The following MYT1L variants were observed in gnomAD, a reference collection of about 807,000 sequenced individuals.
MYT1L encodes myelin transcription factor 1 like.
In MYT1L, 12 loss-of-function variants were observed where a neutral mutation model predicts 126.7. The observed-to-expected ratio is 0.09, with a 90% CI of 0.06 to 0.15. The LOEUF (loss-of-function observed/expected upper bound fraction) is 0.15, where lower values mean the gene tolerates loss of function less well. MYT1L is among the 10% of genes least tolerant of loss of function. The pLI, the probability that MYT1L is intolerant of heterozygous loss-of-function variation, is 1.00. For synonymous variants in MYT1L, 541 were observed against 604.2 expected, an observed-to-expected ratio of 0.90 and a Z score of 1.53; for missense variants, 979 against 1,585.2, an observed-to-expected ratio of 0.62 and a Z score of 6.49.
intron 1 of MYT1L, among the ~76,000 whole-genome samples, chr2:2,327,901 C>A (rs562225116): frequency 6.3e-4 from 95 of 151,968 alleles, no homozygotes; most frequent in Non-Finnish European, 1.3e-3. Flanking sequence ...AAATATATAA[C>A]AAGTAAACAA....
chr2:2,141,696 A>C (rs2084005800), intron 3 of MYT1L, among the ~76,000 whole-genome samples: 1 of 152,182 alleles, frequency 6.6e-6, no homozygotes, highest in East Asian at 1.9e-4. Flanking sequence ...TCACTCTTTG[A>C]GGATGTGTTT....
chr2:2,211,110 A>T (rs1198894053), intron 2 of MYT1L, among the ~76,000 whole-genome samples: 1 of 152,184 alleles, frequency 6.6e-6, no homozygotes, highest in Admixed American at 6.5e-5. Context: ...ATCAGTTCTA[A>T]TAGTTTTTTG....
At chr2:2,146,339 C>A (rs1420591223) in intron 3 of MYT1L, among the ~76,000 whole-genome samples, 1 of 152,136 alleles carries the variant, frequency 6.6e-6, no homozygotes, top group Non-Finnish European at 1.5e-5. Flanking sequence ...GGCAGAGACG[C>A]CTGAGACGAT....
intron 3 of MYT1L, among the ~76,000 whole-genome samples, chr2:2,099,024 C>G (rs1464295924): frequency 5.3e-5 from 8 of 152,188 alleles, no homozygotes; most frequent in Admixed American, 5.2e-4. Context: ...GAATGTAGCA[C>G]AAGCACCGCT....
chr2:1,922,816 C>T lies in MYT1L; in HGVS notation c.953G>A (p.Ser318Asn). ...ACTGCTCAGACACACCTCCTCATCGCTCTCCTCCACCATCTTTTCCATGAG... is the reference window on the plus strand; with the variant it reads ...ACTGCTCAGACACACCTCCTCATCGTTCTCCTCCACCATCTTTTCCATGAG... ...NGLMEKMVEE[S>N]DEEVCLSSLE... The change falls in exon 10 of 25, where the codon AGC (serine) becomes AAC (asparagine). Residue 318 changes from serine to asparagine, a missense_variant. Ser to Asn is a conservative substitution (Grantham distance 46). Around this residue, in one of 12 missense-constraint regions of MYT1L, gnomAD observed 243 missense variants for 363.9 expected, o/e 0.67. Coordinates refer to ENST00000647738, the MANE Select transcript of MYT1L (RefSeq NM_001303052.2). The surrounding 1 kb of genome is among the most constrained non-coding windows in gnomAD (Gnocchi z 7.4). 1 of 1,614,016 alleles carries T rather than the reference C, an allele frequency of 6.2e-7. No homozygotes were observed. Among genetic ancestry groups the T allele is most frequent in the East Asian group, 2.2e-5 (1 of 44,876 alleles).
At chr2:2,049,319 C>A (rs2068546850) in intron 4 of MYT1L, among the ~76,000 whole-genome samples, 1 of 152,128 alleles carries the variant, frequency 6.6e-6, no homozygotes, top group Non-Finnish European at 1.5e-5. Flanking sequence ...TCTATGCACA[C>A]AAGTGATATA....
intron 1 of MYT1L, among the ~76,000 whole-genome samples, chr2:2,312,519 G>A (rs2095990203): frequency 1.3e-5 from 2 of 152,044 alleles, no homozygotes; most frequent in Non-Finnish European, 2.9e-5. Flanking sequence ...AGGCTGAGGT[G>A]GGAGGATTAC....
intron 19 of MYT1L, among the ~76,000 whole-genome samples, chr2:1,845,052 C>T (rs1344951075): frequency 1.3e-5 from 2 of 151,524 alleles, no homozygotes; most frequent in African/African-American, 2.4e-5. Context: ...GACCTTGGCT[C>T]GCTGAAGCCT....
At chr2:2,177,800 G>T (rs1247030507) in intron 2 of MYT1L, among the ~76,000 whole-genome samples, 1 of 152,164 alleles carries the variant, frequency 6.6e-6, no homozygotes, top group Non-Finnish European at 1.5e-5. Context: ...CTCCCACCAG[G>T]TTCCTCCCCA....
intron 3 of MYT1L, among the ~76,000 whole-genome samples, chr2:2,104,997 A>G (rs1326894472): frequency 6.6e-6 from 1 of 152,218 alleles, no homozygotes; most frequent in African/African-American, 2.4e-5. Flanking sequence ...ACTGAAAATA[A>G]TAGATTGGAT....
intron 4 of MYT1L, among the ~76,000 whole-genome samples, chr2:2,003,557 G>A (rs997091579): frequency 6.6e-5 from 10 of 152,178 alleles, no homozygotes; most frequent in African/African-American, 4.8e-5. Context: ...TGCTTCCTCC[G>A]GCAGCCACAG....
intron 8 of MYT1L, among the ~76,000 whole-genome samples, chr2:1,957,843 C>A (rs1301124889): frequency 1.3e-5 from 2 of 152,208 alleles, no homozygotes; most frequent in African/African-American, 4.8e-5. Context: ...GCACACCTGG[C>A]ACACAATAGG....
At chr2:2,097,967 T>C (rs1418213948) in intron 3 of MYT1L, among the ~76,000 whole-genome samples, 1 of 152,186 alleles carries the variant, frequency 6.6e-6, no homozygotes, top group African/African-American at 2.4e-5. Context: ...TGTAAAAGTG[T>C]GGCACCTCCC....
At chr2:2,055,525 T>A (rs1187307158) in intron 3 of MYT1L, among the ~76,000 whole-genome samples, 2 of 152,258 alleles carry the variant, frequency 1.3e-5, no homozygotes, top group East Asian at 3.8e-4. Context: ...CAACACATTC[T>A]GAGCTATTAC....
intron 2 of MYT1L, among the ~76,000 whole-genome samples, chr2:2,215,819 G>C (rs1483596770): frequency 1.3e-5 from 2 of 152,064 alleles, no homozygotes; most frequent in Non-Finnish European, 2.9e-5. Context: ...GCATCCCCCA[G>C]TGTTGGAGGT....
chr2:2,088,665 AT>A (rs1309609996), intron 3 of MYT1L, among the ~76,000 whole-genome samples: 2 of 152,206 alleles, frequency 1.3e-5, no homozygotes, highest in Non-Finnish European at 2.9e-5. Context: ...AAGTACTAGT[AT>A]AAAAAATATG....
At chr2:2,237,034 G>A (rs1049253069) in intron 2 of MYT1L, among the ~76,000 whole-genome samples, 2 of 151,866 alleles carry the variant, frequency 1.3e-5, no homozygotes, top group Non-Finnish European at 2.9e-5. Context: ...GGTTGGTCTC[G>A]AACTCCCGAC....
At chr2:1,916,421 A>AC (rs914172964) in intron 11 of MYT1L, among the ~76,000 whole-genome samples, 2 of 152,156 alleles carry the variant, frequency 1.3e-5, no homozygotes, top group Non-Finnish European at 2.9e-5. Context: ...TAGACTCAAA[A>AC]CCAGAACCTT....
At chr2:2,080,689 AAAAG>A (rs2075726278) in intron 3 of MYT1L, among the ~76,000 whole-genome samples, 1 of 152,220 alleles carries the variant, frequency 6.6e-6, no homozygotes, top group Non-Finnish European at 1.5e-5. Flanking sequence ...AGAAAAGAAG[AAAAG>A]AAAGGAACAA....
Sources: allele counts gnomAD v4.1 joint callset (sites outside exome capture counted in the v4.1 genomes callset), GRCh38; gene constraint gnomAD v4.1.1; regional missense constraint gnomAD v4.1.1; non-coding constraint Gnocchi (gnomAD v3.1); transcripts MANE v1.5; gene names NCBI Gene and HGNC (gene_info 2026-07-23, HGNC 2026-07-21).